Variants in TOP2B observed in about 807,000 individuals in gnomAD.
TOP2B encodes the protein DNA topoisomerase 2-beta.
A neutral mutation model predicts 193.5 loss-of-function variants in TOP2B; 51 were observed. The ratio of observed to expected loss-of-function variants is 0.26; its 90% CI spans 0.21 to 0.33. The LOEUF is 0.33. TOP2B is among the 10% of genes least tolerant of loss of function. The pLI is 1.00. For synonymous variants in TOP2B, 634 were observed against 635.7 expected (o/e 1.00, Z 0.04); for missense variants, 1,378 against 1,909.3 (o/e 0.72, Z 5.19).
chr3:25,655,972 C>T (rs920340665), intron 1 of TOP2B, among the ~76,000 whole-genome samples: 10 of 149,776 alleles, frequency 6.7e-5, no homozygotes, highest in African/African-American at 2.5e-4. Flanking sequence ...ATATATTTAA[C>T]ACTACCGAAC....
In TOP2B at chr3:25,627,203, T is replaced by C; in HGVS notation, c.2000A>G (p.Asp667Gly). The C allele has an allele frequency of 6.2e-7, 1 of 1,600,424 alleles. No homozygotes were observed. The highest frequency in any genetic ancestry group is 8.5e-7 in the Non-Finnish European group (1 of 1,175,648). The change falls in exon 16 of 36, where the codon GAT (aspartate) becomes GGT (glycine). Residue 667 changes from aspartate to glycine, a missense_variant. Physicochemically the swap from Asp to Gly is moderately conservative, Grantham distance 94. Coordinates refer to ENST00000264331, the MANE Select transcript of TOP2B (RefSeq NM_001330700.2). The stretch of plus-strand genomic sequence containing the variant: ...CTTAATTACCAAGGTAATGGCAGCA[T>C]CATCTTCAGGACCAGCATATCTAAA... The part of the protein sequence containing the change: ...ILFRYAGPED[D>G]AAITLAFSKK...
chr3:25,606,600 G>A (rs777932461), intron 31 of TOP2B, among the ~76,000 whole-genome samples: 35 of 152,086 alleles, frequency 2.3e-4, no homozygotes, highest in Non-Finnish European at 4.3e-4. Flanking sequence ...AATTATTTCA[G>A]GATCTGGTGA....
chr3:25,622,129 A>T (rs909231036), intron 21 of TOP2B, among the ~76,000 whole-genome samples: 1 of 152,212 alleles, frequency 6.6e-6, no homozygotes, highest in Non-Finnish European at 1.5e-5. Context: ...ACAACTGTTT[A>T]ACTTTTCAAA....
intron 13 of TOP2B, 117 bp downstream of exon 13, chr3:25,629,912 C>T: frequency 9.1e-7 from 1 of 1,100,042 alleles, no homozygotes; most frequent in South Asian, 2.0e-5. Context: ...ATTTTTTCCT[C>T]CTGATGTATA....
chr3:25,644,435 T>C (rs1234303391), intron 2 of TOP2B, among the ~76,000 whole-genome samples: 3 of 152,046 alleles, frequency 2.0e-5, no homozygotes, highest in Non-Finnish European at 2.9e-5. Flanking sequence ...GCGCAGTGGC[T>C]CACGCCTGTA....
chr3:25,664,903 C>A lies in TOP2B; in HGVS notation c.-606G>T. The A allele has an allele frequency of 1.0e-6, 1 of 989,568 alleles. No individual in the cohort carries two copies. Among genetic ancestry groups the A allele is most frequent in the Non-Finnish European group, 1.2e-6 (1 of 831,654 alleles). The allele number at this position is 989,568 out of a possible 1,614,324, so 61.3% of individuals were successfully genotyped here. On this transcript the variant is annotated 5_prime_UTR_variant, in exon 1 of 36. Coordinates refer to ENST00000264331, the MANE Select transcript of TOP2B (RefSeq NM_001330700.2). ...CCCTCTTGTCCGGCATAACACCGCA[C>A]ACACACATTTGCACACCGGGGAGAG...
intron 2 of TOP2B, among the ~76,000 whole-genome samples, chr3:25,644,101 CTT>C (rs34502850): frequency 2.3e-4 from 33 of 140,600 alleles, no homozygotes; most frequent in African/African-American, 4.4e-4. Flanking sequence ...AAAATTAATG[CTT>C]TTTTTTTTTT....
intron 33 of TOP2B, among the ~76,000 whole-genome samples, chr3:25,602,416 G>GA (rs60844877): frequency 0.3 from 33,209 of 111,452 alleles, 6,192 homozygotes; most frequent in African/African-American, 0.54. Flanking sequence ...AAAAGAAAAA[G>GA]AAAAAAAAAA....
At chr3:25,598,733 T>C (rs1385300916) in intron 35 of TOP2B, among the ~76,000 whole-genome samples, 2 of 152,236 alleles carry the variant, frequency 1.3e-5, no homozygotes, top group Admixed American at 6.5e-5. Flanking sequence ...AACACCTTTA[T>C]TTCTGAAATT....
At chr3:25,657,443 T>G (rs1703778073) in intron 1 of TOP2B, among the ~76,000 whole-genome samples, 1 of 152,184 alleles carries the variant, frequency 6.6e-6, no homozygotes, top group African/African-American at 2.4e-5. Context: ...TTAAAAAAAA[T>G]GTCACCCTGG....
At chr3:25,664,170 C>T (rs1194685779) in intron 1 of TOP2B, 59 bp downstream of exon 1, 2 of 1,469,142 alleles carry the variant, frequency 1.4e-6, no homozygotes, top group East Asian at 2.7e-5. Flanking sequence ...GTTCGGAATT[C>T]CGCCCCCGCC....
chr3:25,664,190 G>C, intron 1 of TOP2B, 39 bp downstream of exon 1: 3 of 1,537,912 alleles, frequency 2.0e-6, no homozygotes, highest in Non-Finnish European at 2.6e-6. Context: ...CGCGGGCCCG[G>C]AACAATGCAG....
chr3:25,654,635 A>C (rs1169733479), intron 1 of TOP2B, among the ~76,000 whole-genome samples: 1 of 152,204 alleles, frequency 6.6e-6, no homozygotes, highest in Non-Finnish European at 1.5e-5. Flanking sequence ...ATCAGTCTTT[A>C]ATCAGAAGAA....
At chr3:25,661,355 G>A (rs1357001258) in intron 1 of TOP2B, among the ~76,000 whole-genome samples, 1 of 151,980 alleles carries the variant, frequency 6.6e-6, no homozygotes, top group East Asian at 1.9e-4. Context: ...ATACTACTCT[G>A]GTTACCACTT....
intron 25 of TOP2B, among the ~76,000 whole-genome samples, chr3:25,617,411 T>C (rs534073138): frequency 8.1e-4 from 124 of 152,294 alleles, no homozygotes; most frequent in Non-Finnish European, 1.3e-3. Flanking sequence ...GCCTATTATC[T>C]TAATATGTAA....
intron 15 of TOP2B, 74 bp downstream of exon 15, chr3:25,628,768 TTCAAG>T (rs1702877057): frequency 5.5e-6 from 5 of 905,210 alleles, no homozygotes; most frequent in South Asian, 1.9e-5. Context: ...TAGTCAAACT[TTCAAG>T]TCATCTTTTA....
intron 23 of TOP2B, 95 bp downstream of exon 23, chr3:25,619,767 G>T: frequency 1.2e-6 from 1 of 823,090 alleles, no homozygotes; most frequent in Non-Finnish European, 1.9e-6. Flanking sequence ...ATGCCTTCAG[G>T]CTTACTATAG....
intron 3 of TOP2B, among the ~76,000 whole-genome samples, chr3:25,642,624 G>A (rs371036450): frequency 4.6e-5 from 7 of 152,188 alleles, no homozygotes; most frequent in African/African-American, 1.7e-4. Flanking sequence ...AAATGTTTTA[G>A]TGATACATAT....
At chr3:25,614,035 A>C (rs1260667170) in intron 27 of TOP2B, among the ~76,000 whole-genome samples, 1 of 152,204 alleles carries the variant, frequency 6.6e-6, no homozygotes, top group African/African-American at 2.4e-5. Context: ...TTAGACTTTA[A>C]ATGATACAGA....
Sources: allele counts gnomAD v4.1 joint callset (sites outside exome capture counted in the v4.1 genomes callset), GRCh38; gene constraint gnomAD v4.1.1; transcripts MANE v1.5; gene names NCBI Gene and HGNC (gene_info 2026-07-23, HGNC 2026-07-21).